The following DPP10 variants were observed in gnomAD, a reference collection of about 807,000 sequenced individuals.
DPP10 encodes inactive dipeptidyl peptidase 10.
DPP10 carries 33 observed loss-of-function variants against 120.9 expected under a neutral mutation model. The ratio of observed to expected loss-of-function variants is 0.27; its 90% CI spans 0.21 to 0.37. DPP10 has a LOEUF of 0.37. Ranked by LOEUF, DPP10 falls within the 10% of genes least tolerant of loss-of-function variation. The pLI, the probability that DPP10 is intolerant of heterozygous loss-of-function variation, is 1.00. For missense variants in DPP10, 816 were observed against 942.8 expected, an observed-to-expected ratio of 0.87 and a Z score of 1.76; for synonymous variants, 337 against 326.1, an observed-to-expected ratio of 1.03 and a Z score of -0.36.
intron 19 of DPP10, among the ~76,000 whole-genome samples, chr2:115,804,912 C>A (rs1043969583): frequency 2.0e-5 from 3 of 152,210 alleles, no homozygotes; most frequent in Non-Finnish European, 2.9e-5. Context: ...TGCCTGTTCT[C>A]AGATCTCAAG....
At chr2:114,747,695 G>T (rs1485030565) in intron 1 of DPP10, among the ~76,000 whole-genome samples, 1 of 152,056 alleles carries the variant, frequency 6.6e-6, no homozygotes, top group African/African-American at 2.4e-5. Flanking sequence ...TTCTTCTCTG[G>T]ATCATTCCAG....
At chr2:114,913,066 G>A (rs1574473405) in intron 1 of DPP10, among the ~76,000 whole-genome samples, 1 of 152,074 alleles carries the variant, frequency 6.6e-6, no homozygotes, top group Admixed American at 6.5e-5. Context: ...ATCTATTATG[G>A]GGTCCCTGGC....
At chr2:115,791,887 C>A (rs1013518626) in intron 19 of DPP10, among the ~76,000 whole-genome samples, 1 of 152,072 alleles carries the variant, frequency 6.6e-6, no homozygotes, top group African/African-American at 2.4e-5. Context: ...GGCACCGAGG[C>A]CCCTAACATC....
rs541402967 is a variant in DPP10 at position 114,488,324 on chromosome 2, C to A, written c.60+45486C>A. Among the ~76,000 whole-genome samples the A allele has an allele frequency of 4.6e-3, 698 of 152,216 alleles. 3 individuals carry two copies. Among genetic ancestry groups the A allele is most frequent in the African/African-American group, 0.016 (660 of 41,538 alleles). On this transcript the variant is annotated intron_variant, in intron 1 of 25. Transcript: ENST00000410059. ...ATCTCAAGTAAGTTACTTTGTGCCTCAGTTTCTTTATCTGTAACGTGATGA... is the reference window on the plus strand; with the variant it reads ...ATCTCAAGTAAGTTACTTTGTGCCTAAGTTTCTTTATCTGTAACGTGATGA...
At chr2:115,578,477 C>G (rs191257059) in intron 5 of DPP10, among the ~76,000 whole-genome samples, 1 of 151,750 alleles carries the variant, frequency 6.6e-6, no homozygotes, top group African/African-American at 2.4e-5. Context: ...TGGCTTCTCT[C>G]CTACCAGGCA....
chr2:115,445,226 G>C (rs1391807597), intron 3 of DPP10, among the ~76,000 whole-genome samples: 1 of 152,094 alleles, frequency 6.6e-6, no homozygotes, highest in Non-Finnish European at 1.5e-5. Flanking sequence ...ACACAGTCTT[G>C]GGTATGTCTT....
At chr2:114,682,766 GTCTGTCTATCTATCTA>G (rs1699112201) in intron 1 of DPP10, among the ~76,000 whole-genome samples, 1 of 140,422 alleles carries the variant, frequency 7.1e-6, no homozygotes, top group African/African-American at 2.8e-5. Context: ...CTATCTATCT[GTCTGTCTATCTATCTA>G]TCTATCTATC....
intron 1 of DPP10, among the ~76,000 whole-genome samples, chr2:114,815,811 G>A (rs2106338785): frequency 6.6e-6 from 1 of 151,972 alleles, no homozygotes; most frequent in South Asian, 2.1e-4. Context: ...GCCAGCCTCT[G>A]GGGTTTGAGC....
At chr2:115,665,389 A>G (rs2089365865) in intron 5 of DPP10, among the ~76,000 whole-genome samples, 1 of 152,220 alleles carries the variant, frequency 6.6e-6, no homozygotes, top group South Asian at 2.1e-4. Context: ...AATTAAATTA[A>G]TGACATTCCG....
At chr2:115,047,661 A>T (rs1434195860) in intron 1 of DPP10, among the ~76,000 whole-genome samples, 1 of 152,154 alleles carries the variant, frequency 6.6e-6, no homozygotes, top group Non-Finnish European at 1.5e-5. Context: ...ATATGAAAAG[A>T]AATGCTCAGT....
intron 1 of DPP10, among the ~76,000 whole-genome samples, chr2:114,523,861 A>T (rs926237097): frequency 1.3e-5 from 2 of 152,270 alleles, no homozygotes; most frequent in South Asian, 4.1e-4. Flanking sequence ...CTAATGATCC[A>T]TCTCACAAGA....
chr2:114,470,672 G>T (rs1331204577), intron 1 of DPP10, among the ~76,000 whole-genome samples: 1 of 152,184 alleles, frequency 6.6e-6, no homozygotes, highest in African/African-American at 2.4e-5. Context: ...TACTTTGCAA[G>T]TGTAGCTATA....
intron 1 of DPP10, among the ~76,000 whole-genome samples, chr2:115,049,002 A>G (rs1036386930): frequency 6.6e-6 from 1 of 152,116 alleles, no homozygotes; most frequent in African/African-American, 2.4e-5. Flanking sequence ...GTTTAATCCC[A>G]AATACTTAGT....
At chr2:114,814,641 T>A (rs1026032913) in intron 1 of DPP10, among the ~76,000 whole-genome samples, 3 of 152,140 alleles carry the variant, frequency 2.0e-5, no homozygotes, top group Non-Finnish European at 4.4e-5. Flanking sequence ...AGGGTCCTCA[T>A]GCAGTGGCTG....
At chr2:115,514,082 C>T (rs934696666) in intron 4 of DPP10, among the ~76,000 whole-genome samples, 2 of 151,876 alleles carry the variant, frequency 1.3e-5, no homozygotes, top group Non-Finnish European at 2.9e-5. Flanking sequence ...AAGACGTCAA[C>T]CTAAATCTCT....
In DPP10 at chr2:114,668,458, T is replaced by A. The variant is rs573284586; in HGVS notation, c.60+225620T>A. On this transcript the variant is annotated intron_variant, in intron 1 of 25. Coordinates refer to ENST00000410059, the MANE Select transcript of DPP10 (RefSeq NM_020868.6). ...GGAGGAAGGATTTTTGCCTTCTCAG[T>A]CTACTGATTCAAATGCTAACTTCTT... 5.0e-3 allele frequency among the ~76,000 whole-genome samples: 754 copies of A among 152,270 alleles called. 3 individuals are homozygous for A. Among genetic ancestry groups the A allele is most frequent in the Middle Eastern group, 0.017 (5 of 294 alleles).
intron 1 of DPP10, among the ~76,000 whole-genome samples, chr2:114,622,664 T>A (rs962076184): frequency 6.6e-6 from 1 of 152,100 alleles, no homozygotes; most frequent in African/African-American, 2.4e-5. Flanking sequence ...TCAGCTGGTA[T>A]AATTGGTCAT....
intron 1 of DPP10, among the ~76,000 whole-genome samples, chr2:114,535,890 C>A (rs1263514238): frequency 6.6e-6 from 1 of 152,190 alleles, no homozygotes; most frequent in East Asian, 1.9e-4. Context: ...CTGGGTGCAG[C>A]ACTTCAGTAA....
intron 1 of DPP10, among the ~76,000 whole-genome samples, chr2:115,022,951 A>T (rs562176285): frequency 6.6e-6 from 1 of 152,204 alleles, no homozygotes; most frequent in Non-Finnish European, 1.5e-5. Flanking sequence ...AGCCACATGC[A>T]GAAGAATGAA....
Sources: gnomAD v4.1 joint callset for allele counts (sites outside exome capture counted in the v4.1 genomes callset) on GRCh38, gnomAD v4.1.1 for gene constraint, MANE v1.5 for transcripts, NCBI Gene and HGNC (gene_info 2026-07-23, HGNC 2026-07-21) for gene names.